The following FBXL17 variants were observed in gnomAD, a reference collection of about 807,000 sequenced individuals.
FBXL17 encodes the protein F-box/LRR-repeat protein 17.
FBXL17 carries 22 observed loss-of-function variants against 66.2 expected under a neutral mutation model. The ratio of observed to expected loss-of-function variants is 0.33; its 90% CI spans 0.24 to 0.47. The LOEUF is 0.47. FBXL17 is among the 20% of genes least tolerant of loss of function. FBXL17 has a pLI of 1.00. For synonymous variants in FBXL17, 474 were observed against 400.5 expected, an observed-to-expected ratio of 1.18 and a Z score of -2.19; for missense variants, 878 against 948.2, an observed-to-expected ratio of 0.93 and a Z score of 0.97.
intron 6 of FBXL17, among the ~76,000 whole-genome samples, chr5:108,049,313 T>A (rs1252048900): frequency 6.6e-6 from 1 of 151,972 alleles, no homozygotes; most frequent in African/African-American, 2.4e-5. Flanking sequence ...CAGCTAATTT[T>A]TTTTTTTTTA....
chr5:108,141,202 G>A (rs1382030075), intron 6 of FBXL17, among the ~76,000 whole-genome samples: 4 of 152,000 alleles, frequency 2.6e-5, no homozygotes, highest in African/African-American at 4.8e-5. Flanking sequence ...TTATCTACCT[G>A]GAAGAACAGA....
chr5:108,350,660 A>C (rs141636427), intron 3 of FBXL17, among the ~76,000 whole-genome samples: 364 of 152,348 alleles, frequency 2.4e-3, no homozygotes, highest in Admixed American at 6.4e-3. Flanking sequence ...AAACTAAAAG[A>C]AAGCAACAGT....
chr5:108,330,010 T>C (rs1271587339), intron 4 of FBXL17, among the ~76,000 whole-genome samples: 1 of 152,130 alleles, frequency 6.6e-6, no homozygotes, highest in Admixed American at 6.5e-5. Context: ...TCATACTGCT[T>C]CATATGTGGT....
At chr5:108,165,606 T>C (rs1286799512) in intron 6 of FBXL17, among the ~76,000 whole-genome samples, 2 of 152,204 alleles carry the variant, frequency 1.3e-5, no homozygotes, top group Non-Finnish European at 2.9e-5. Context: ...AAGCAGCATA[T>C]AGGCTTCACC....
chr5:107,883,813 C>T (rs2112505693), intron 7 of FBXL17, among the ~76,000 whole-genome samples: 1 of 152,258 alleles, frequency 6.6e-6, no homozygotes, highest in East Asian at 1.9e-4. Flanking sequence ...TAAGAGCCCC[C>T]TCACGCTTCA....
At chr5:108,216,773 C>G (rs1277624547) in intron 5 of FBXL17, among the ~76,000 whole-genome samples, 1 of 152,106 alleles carries the variant, frequency 6.6e-6, no homozygotes, top group African/African-American at 2.4e-5. Context: ...AAAATTCAAG[C>G]GGCAGGTACC....
chr5:108,042,491 A>G (rs1465773333), intron 6 of FBXL17, among the ~76,000 whole-genome samples: 2 of 150,200 alleles, frequency 1.3e-5, no homozygotes, highest in African/African-American at 2.4e-5. Context: ...CATTTCAAGA[A>G]TGCCACAGAA....
At chr5:107,959,417 C>CACACACACACACAG (rs1223390894) in intron 7 of FBXL17, among the ~76,000 whole-genome samples, 3 of 145,372 alleles carry the variant, frequency 2.1e-5, no homozygotes, top group African/African-American at 7.6e-5. Flanking sequence ...CACACACACA[C>CACACACACACACAG]AGGCAACACT....
intron 7 of FBXL17, among the ~76,000 whole-genome samples, chr5:108,013,853 A>G (rs550039990): frequency 2.0e-5 from 3 of 152,050 alleles, no homozygotes; most frequent in South Asian, 4.1e-4. Context: ...GTAATAGAGA[A>G]CTCACTACCA....
At chr5:108,226,258 C>T (rs1755095321) in intron 4 of FBXL17, among the ~76,000 whole-genome samples, 5 of 152,158 alleles carry the variant, frequency 3.3e-5, no homozygotes, top group Admixed American at 2.6e-4. Context: ...TCCTATGACC[C>T]GGAAAACCAC....
At chr5:107,977,114 A>T (rs1752609671) in intron 7 of FBXL17, among the ~76,000 whole-genome samples, 1 of 152,216 alleles carries the variant, frequency 6.6e-6, no homozygotes, top group African/African-American at 2.4e-5. Context: ...GCTAAGTTTT[A>T]TTCATGTATT....
chr5:107,921,426 C>A (rs1297523488), intron 7 of FBXL17, among the ~76,000 whole-genome samples: 1 of 152,090 alleles, frequency 6.6e-6, no homozygotes, highest in East Asian at 1.9e-4. Flanking sequence ...AACTGAGTAT[C>A]AATGAGCCGC....
At chr5:108,138,652 G>GT (rs1751236209) in intron 6 of FBXL17, among the ~76,000 whole-genome samples, 1 of 152,172 alleles carries the variant, frequency 6.6e-6, no homozygotes, top group Non-Finnish European at 1.5e-5. Flanking sequence ...TTTTGAAGAA[G>GT]TAATGCATCA....
intron 4 of FBXL17, among the ~76,000 whole-genome samples, chr5:108,241,195 G>C (rs1381568413): frequency 6.6e-6 from 1 of 152,178 alleles, no homozygotes; most frequent in Non-Finnish European, 1.5e-5. Context: ...AGAGATACGT[G>C]ACCTTTCAAA....
At chr5:108,264,804 T>C (rs1249759916) in intron 4 of FBXL17, among the ~76,000 whole-genome samples, 1 of 151,916 alleles carries the variant, frequency 6.6e-6, no homozygotes, top group Admixed American at 6.6e-5. Context: ...ATTATAACTC[T>C]TCTAATTTCA....
intron 6 of FBXL17, among the ~76,000 whole-genome samples, chr5:108,154,313 G>A (rs4957548): frequency 0.3 from 42,344 of 142,002 alleles, 7,610 homozygotes; most frequent in Admixed American, 0.4. Context: ...AAAAAGATAT[G>A]CCAGGCATGG....
intron 6 of FBXL17, among the ~76,000 whole-genome samples, chr5:108,124,007 G>A (rs1337573326): frequency 6.6e-6 from 1 of 152,134 alleles, no homozygotes; most frequent in African/African-American, 2.4e-5. Flanking sequence ...TTGAGTCAGT[G>A]ACTGGCAGTT....
intron 4 of FBXL17, among the ~76,000 whole-genome samples, chr5:108,242,696 C>T (rs114242421): frequency 0.025 from 3,756 of 152,166 alleles, 149 homozygotes; most frequent in African/African-American, 0.085. Flanking sequence ...TCAACAGTTA[C>T]GAATTCATGG....
At chr5:108,228,152 T>C (rs1755177119) in intron 4 of FBXL17, among the ~76,000 whole-genome samples, 1 of 152,042 alleles carries the variant, frequency 6.6e-6, no homozygotes. Context: ...GCCTCTAACA[T>C]CAACAGAGCC....
Sources: allele counts gnomAD v4.1 joint callset (sites outside exome capture counted in the v4.1 genomes callset), GRCh38; gene constraint gnomAD v4.1.1; transcripts MANE v1.5; gene names NCBI Gene and HGNC (gene_info 2026-07-23, HGNC 2026-07-21).